The following HIVEP3 variants were observed in gnomAD, a reference collection of about 807,000 sequenced individuals.
The protein encoded by HIVEP3 is transcription factor HIVEP3.
Under a neutral mutation model 152.8 loss-of-function variants are expected in HIVEP3, and 49 were observed. The observed-to-expected ratio is 0.32, with a 90% confidence interval of 0.26 to 0.41. The LOEUF (loss-of-function observed/expected upper bound fraction) is 0.41, where lower values mean the gene tolerates loss of function less well. HIVEP3 is among the 10% of genes least tolerant of loss of function. The probability of loss-of-function intolerance (pLI) is 1.00; values close to 1 mark genes in which losing one functional copy is unlikely to be tolerated. For synonymous variants in HIVEP3, 1,269 were observed against 1,289.0 expected (o/e 0.98, Z 0.33); for missense variants, 2,790 against 3,103.3 (o/e 0.90, Z 2.40).
chr1:41,956,545 A>C (rs1645141504), intron 1 of HIVEP3, among the ~76,000 whole-genome samples: 1 of 152,232 alleles, frequency 6.6e-6, no homozygotes, highest in East Asian at 1.9e-4. Flanking sequence ...GTACAACTTC[A>C]TCCCAAATAT....
In HIVEP3 at chr1:41,531,331, G is replaced by A. The variant is rs117845270; in HGVS notation, c.5208-6421C>T. Among the ~76,000 whole-genome samples, 74 of 141,526 alleles carry A rather than the reference G, an allele frequency of 5.2e-4. No individual in the cohort carries two copies. In the East Asian group the frequency reaches 0.016, roughly 30 times the overall value. 92.8% of individuals were successfully genotyped at this position (141,526 alleles called of 152,430 possible). On this transcript the variant is annotated intron_variant, in intron 5 of 8. Coordinates refer to ENST00000372583, the MANE Select transcript of HIVEP3 (RefSeq NM_024503.5). ...GGAGGACAGGGGAGATTGAGGACAT[G>A]AGACATAGAGGACAGGGGAGATGGA... is the stretch of plus-strand genomic sequence containing the variant.
chr1:41,567,365 C>T (rs1328323931), intron 5 of HIVEP3, among the ~76,000 whole-genome samples: 1 of 152,180 alleles, frequency 6.6e-6, no homozygotes, highest in Non-Finnish European at 1.5e-5. Context: ...TACTCCTTCC[C>T]AAAGTCTGGG....
upstream of HIVEP3, among the ~76,000 whole-genome samples, chr1:41,922,570 A>ACCC (rs1644947006): frequency 3.9e-5 from 6 of 152,312 alleles, no homozygotes; most frequent in East Asian, 1.2e-3. Context: ...GTAATGAATA[A>ACCC]AGCCAACAAA....
At chr1:42,009,643 A>G (rs1645481912) in intron 1 of HIVEP3, among the ~76,000 whole-genome samples, 1 of 152,158 alleles carries the variant, frequency 6.6e-6, no homozygotes, top group Non-Finnish European at 1.5e-5. Flanking sequence ...TCATTCCCAG[A>G]GTATTGAAAT....
chr1:41,955,542 C>T (rs1052248991), intron 1 of HIVEP3, among the ~76,000 whole-genome samples: 16 of 152,172 alleles, frequency 1.1e-4, no homozygotes, highest in Admixed American at 1.3e-4. Flanking sequence ...ATGACCTCAC[C>T]GTATTAAGTC....
chr1:41,724,772 T>G (rs1646729075), intron 1 of HIVEP3, among the ~76,000 whole-genome samples: 1 of 152,200 alleles, frequency 6.6e-6, no homozygotes, highest in African/African-American at 2.4e-5. Context: ...CTGCCAAATC[T>G]CGCCTGAGGC....
In HIVEP3 at chr1:41,533,268, G is replaced by A. The variant is rs191619548; in HGVS notation, c.5208-8358C>T. 2.0e-5 allele frequency among the ~76,000 whole-genome samples: 3 copies of A among 152,230 alleles called. No homozygotes were observed. Among genetic ancestry groups the A allele is most frequent in the Admixed American group, 2.0e-4 (3 of 15,290 alleles). The stretch of plus-strand genomic sequence containing the variant: ...CCCCAAGCCTGAGGTAGACCTGCCG[G>A]GCTCTGGGTCCAGCTCCTCCTGCGG... On this transcript the variant is annotated intron_variant, in intron 5 of 8. Transcript: ENST00000372583. This position sits in a 1 kb window ranked among gnomAD's most constrained non-coding sequence, Gnocchi z 4.3.
At chr1:41,528,064 TCA>T (rs371964601) in intron 5 of HIVEP3, among the ~76,000 whole-genome samples, 3 of 74,960 alleles carry the variant, frequency 4.0e-5, no homozygotes, top group African/African-American at 5.4e-5. Flanking sequence ...TCACTTACCT[TCA>T]CACTCATACC....
chr1:41,605,293 G>T (rs1004550047), intron 3 of HIVEP3, among the ~76,000 whole-genome samples: 1 of 151,512 alleles, frequency 6.6e-6, no homozygotes, highest in Non-Finnish European at 1.5e-5. Context: ...ACTCCGAAGG[G>T]GCATGAAGCA....
At chr1:41,912,307 C>T (rs1281578260) in intron 1 of HIVEP3, among the ~76,000 whole-genome samples, 2 of 152,062 alleles carry the variant, frequency 1.3e-5, no homozygotes, top group Non-Finnish European at 2.9e-5. Flanking sequence ...TTCTTTAGAC[C>T]TTTCTACACA....
chr1:41,848,666 C>T (rs1643508952), intron 1 of HIVEP3, among the ~76,000 whole-genome samples: 1 of 152,140 alleles, frequency 6.6e-6, no homozygotes, highest in South Asian at 2.1e-4. Context: ...TGAAAGATTA[C>T]AGAAAGAGGG....
chr1:41,751,735 C>G (rs1284779280), intron 1 of HIVEP3, among the ~76,000 whole-genome samples: 2 of 152,192 alleles, frequency 1.3e-5, no homozygotes, highest in Non-Finnish European at 2.9e-5. Flanking sequence ...CAACAGAAGT[C>G]ATGGCGAGGC....
chr1:41,745,053 G>A (rs1347965399), intron 1 of HIVEP3, among the ~76,000 whole-genome samples: 1 of 152,210 alleles, frequency 6.6e-6, no homozygotes, highest in Non-Finnish European at 1.5e-5. Flanking sequence ...GCCAGAACCT[G>A]GGGGTCCCAG....
chr1:41,827,653 T>C (rs1558304791), intron 1 of HIVEP3, among the ~76,000 whole-genome samples: 1 of 152,166 alleles, frequency 6.6e-6, no homozygotes, highest in East Asian at 1.9e-4. Flanking sequence ...TATAGGCTGA[T>C]AGGGGGGCCA....
At chr1:41,746,949 G>A (rs1377093413) in intron 1 of HIVEP3, among the ~76,000 whole-genome samples, 1 of 152,166 alleles carries the variant, frequency 6.6e-6, no homozygotes, top group African/African-American at 2.4e-5. Context: ...GGGCCAGCAT[G>A]TGACCTGGTG....
intron 1 of HIVEP3, among the ~76,000 whole-genome samples, chr1:41,901,855 C>T (rs1279635282): frequency 6.6e-6 from 1 of 152,174 alleles, no homozygotes; most frequent in Non-Finnish European, 1.5e-5. Context: ...TGTGTGCTGT[C>T]TTGCTTCTTT....
chr1:41,584,328 A>G lies in HIVEP3; in HGVS notation c.470T>C (p.Leu157Pro), dbSNP rs1644469180. The G allele has an allele frequency of 6.2e-7, 1 of 1,613,906 alleles. No homozygotes were observed. Residue 157 changes from leucine to proline, a missense_variant, in exon 4 of 9, where the codon CTT (leucine) becomes CCT (proline). Coordinates refer to ENST00000372583, the MANE Select transcript of HIVEP3 (RefSeq NM_024503.5). This position sits in a 1 kb window ranked among gnomAD's most constrained non-coding sequence, Gnocchi z 5.2. ...CACGAAGACTTTGGGGACTCCAGGA[A>G]GGTCCTCGGGGGGAATGATGGAAGC... Reference protein sequence around the residue: ...SHASIIPPEDLPGVPKVFVPR... With the variant: ...SHASIIPPEDPPGVPKVFVPR...
chr1:41,694,923 C>T (rs1216479250), intron 2 of HIVEP3, among the ~76,000 whole-genome samples: 1 of 152,138 alleles, frequency 6.6e-6, no homozygotes, highest in African/African-American at 2.4e-5. Context: ...CTCTAAAAAC[C>T]TCGCCTCTCC....
chr1:42,024,110 T>G (rs529336833), intron 1 of HIVEP3, among the ~76,000 whole-genome samples: 3 of 152,248 alleles, frequency 2.0e-5, no homozygotes, highest in Non-Finnish European at 4.4e-5. Context: ...GTCCTCTGAC[T>G]TAGTTCTCCT....
Sources: allele counts gnomAD v4.1 joint callset (sites outside exome capture counted in the v4.1 genomes callset), GRCh38; gene constraint gnomAD v4.1.1; non-coding constraint Gnocchi (gnomAD v3.1); transcripts MANE v1.5; gene names NCBI Gene and HGNC (gene_info 2026-07-23, HGNC 2026-07-21).